The following ATP6V1G3 variants were observed in gnomAD, a reference collection of about 807,000 sequenced individuals.
ATP6V1G3 encodes the protein V-type proton ATPase subunit G 3.
In ATP6V1G3, 9 loss-of-function variants were observed where a neutral mutation model predicts 9.3. The ratio of observed to expected loss-of-function variants is 0.97; its 90% CI spans 0.59 to 1.69. The LOEUF is 1.69. Ranked by LOEUF, ATP6V1G3 falls within the 40% of genes most tolerant of loss-of-function variation. The probability of loss-of-function intolerance (pLI) is 0.00; values close to 1 mark genes in which losing one functional copy is unlikely to be tolerated. For synonymous variants in ATP6V1G3, 43 were observed against 43.8 expected (o/e 0.98, Z 0.07); for missense variants, 133 against 139.0 (o/e 0.96, Z 0.22).
chr1:198,536,615 C>A, intron 1 of ATP6V1G3: 1 of 1,358,494 alleles, frequency 7.4e-7, no homozygotes, highest in Non-Finnish European at 1.0e-6. Context: ...AGAGCTTTAA[C>A]TAATAAATAT....
chr1:198,523,896 C>T (rs1659550675), intron 2 of ATP6V1G3, among the ~76,000 whole-genome samples: 1 of 152,048 alleles, frequency 6.6e-6, no homozygotes, highest in Admixed American at 6.6e-5. Flanking sequence ...ATTTAGTTCC[C>T]ATATATTCCC....
Position 198,529,062 on chromosome 1 carries a change from T to A in ATP6V1G3, c.183+19A>T. 2.5e-6 allele frequency: 3 copies of A among 1,212,618 alleles called. No homozygotes were observed. The highest frequency in any genetic ancestry group is 3.6e-6 in the Non-Finnish European group (3 of 838,760). The allele number at this position is 1,212,618 out of a possible 1,614,324, so 75.1% of individuals were successfully genotyped here. A position where few individuals can be genotyped will look rare whatever the true frequency, so the allele number is the denominator to read the frequency against. On this transcript the variant is annotated intron_variant, in intron 2 of 2. Transcript: ENST00000367382. ...CTTATCTATTCTGCATAAGAAACAG[T>A]GCTGACTTTCTTACTCACCTTAGAT...
chr1:198,536,557 C>T (rs888842611), intron 1 of ATP6V1G3: 31 of 734,532 alleles, frequency 4.2e-5, no homozygotes, highest in Admixed American at 9.7e-5. Flanking sequence ...GTGATTTCAT[C>T]TAAATTCAAC....
intron 1 of ATP6V1G3, among the ~76,000 whole-genome samples, chr1:198,535,365 G>A (rs1660066456): frequency 6.6e-6 from 1 of 152,104 alleles, no homozygotes; most frequent in Non-Finnish European, 1.5e-5. Flanking sequence ...TTATTAAATT[G>A]AGGTGCTTGT....
intron 1 of ATP6V1G3, among the ~76,000 whole-genome samples, chr1:198,539,910 C>T (rs757889826): frequency 2.0e-5 from 3 of 152,116 alleles, no homozygotes; most frequent in Non-Finnish European, 2.9e-5. Flanking sequence ...TATGTAAGTA[C>T]ATGAATGCAT....
At chr1:198,525,942 CAT>C (rs1659636974) in intron 2 of ATP6V1G3, among the ~76,000 whole-genome samples, 2 of 152,114 alleles carry the variant, frequency 1.3e-5, no homozygotes, top group African/African-American at 4.8e-5. Context: ...GTAATCAGTA[CAT>C]GTTAGTGATT....
intron 1 of ATP6V1G3, among the ~76,000 whole-genome samples, chr1:198,531,829 T>C (rs1325854586): frequency 6.6e-6 from 1 of 152,244 alleles, no homozygotes; most frequent in East Asian, 1.9e-4. Flanking sequence ...ACAGATTTAA[T>C]AATCTACCAT....
intron 1 of ATP6V1G3, among the ~76,000 whole-genome samples, chr1:198,532,159 G>C (rs1362794597): frequency 2.6e-5 from 4 of 152,098 alleles, no homozygotes; most frequent in African/African-American, 9.7e-5. Context: ...TTAGTCATTG[G>C]GGCCTGTATA....
intron 2 of ATP6V1G3, among the ~76,000 whole-genome samples, chr1:198,526,165 G>A (rs1253767563): frequency 3.3e-5 from 5 of 152,098 alleles, no homozygotes; most frequent in African/African-American, 1.2e-4. Flanking sequence ...ACAATGACTA[G>A]TCATACACTA....
chr1:198,534,480 A>G (rs1261204412), intron 1 of ATP6V1G3, among the ~76,000 whole-genome samples: 1 of 152,192 alleles, frequency 6.6e-6, no homozygotes, highest in African/African-American at 2.4e-5. Flanking sequence ...TCTGGCCTCC[A>G]GAATGGTGAG....
intron 1 of ATP6V1G3, among the ~76,000 whole-genome samples, chr1:198,533,441 G>T (rs2103139369): frequency 6.6e-6 from 1 of 152,286 alleles, no homozygotes; most frequent in African/African-American, 2.4e-5. Context: ...AAATGGTAAA[G>T]TAGTAGTGGA....
intron 1 of ATP6V1G3, among the ~76,000 whole-genome samples, chr1:198,538,431 A>G (rs1660206895): frequency 6.6e-6 from 1 of 152,138 alleles, no homozygotes; most frequent in South Asian, 2.1e-4. Context: ...TTATTCTTTA[A>G]TGACTCGAAA....
chr1:198,533,569 A>G (rs779546258), intron 1 of ATP6V1G3, among the ~76,000 whole-genome samples: 1 of 152,198 alleles, frequency 6.6e-6, no homozygotes, highest in South Asian at 2.1e-4. Context: ...CAATACTGCA[A>G]TTTCGTTGAT....
intron 2 of ATP6V1G3, among the ~76,000 whole-genome samples, chr1:198,524,546 T>A (rs1043114653): frequency 1.3e-5 from 2 of 152,188 alleles, no homozygotes; most frequent in African/African-American, 2.4e-5. Flanking sequence ...GTTTAATATA[T>A]CTTTCTAATT....
chr1:198,534,799 G>A (rs1028160443), intron 1 of ATP6V1G3, among the ~76,000 whole-genome samples: 1 of 152,092 alleles, frequency 6.6e-6, no homozygotes, highest in African/African-American at 2.4e-5. Context: ...AGAAAACAAA[G>A]CAAAACCAAA....
chr1:198,533,503 A>C (rs913992322), intron 1 of ATP6V1G3, among the ~76,000 whole-genome samples: 1 of 152,192 alleles, frequency 6.6e-6, no homozygotes, highest in African/African-American at 2.4e-5. Context: ...ATACATGAGC[A>C]TGAGAGACAG....
intron 1 of ATP6V1G3, among the ~76,000 whole-genome samples, chr1:198,533,335 G>T (rs547393400): frequency 1.3e-5 from 2 of 151,832 alleles, no homozygotes; most frequent in Non-Finnish European, 2.9e-5. Flanking sequence ...TGGCTGGTGT[G>T]GTGAAAATAG....
At position 198,523,294 on chromosome 1, in the gene ATP6V1G3, G is replaced by T. The variant is rs1316753252; in HGVS notation, c.*97C>A. 1.7e-6 allele frequency: 2 copies of T among 1,195,052 alleles called. No individual in the cohort carries two copies. Among genetic ancestry groups the T allele is most frequent in the Admixed American group, 2.7e-5 (1 of 36,876 alleles). The allele number at this position is 1,195,052 out of a possible 1,614,324, so 74.0% of individuals were successfully genotyped here. On this transcript the variant is annotated 3_prime_UTR_variant, in exon 3 of 3. Transcript: ENST00000367382. ...CATTTCCTGTAAATGTAAATTTAAG[G>T]TTCTCATTTCAAATTTCTCAACATA...
At chr1:198,526,363 T>C (rs1659651391) in intron 2 of ATP6V1G3, among the ~76,000 whole-genome samples, 1 of 152,166 alleles carries the variant, frequency 6.6e-6, no homozygotes, top group African/African-American at 2.4e-5. Context: ...CACATTTGTA[T>C]TGAGTAGAAT....
Sources: gnomAD v4.1 joint callset for allele counts (sites outside exome capture counted in the v4.1 genomes callset) on GRCh38, gnomAD v4.1.1 for gene constraint, MANE v1.5 for transcripts, NCBI Gene and HGNC (gene_info 2026-07-23, HGNC 2026-07-21) for gene names.